The following GMDS variants were observed in gnomAD, a reference collection of about 807,000 sequenced individuals.
GMDS encodes the protein GDP-mannose 4,6-dehydratase, also known as GDP-mannose 4,6 dehydratase.
In GMDS, 20 loss-of-function variants were observed where a neutral mutation model predicts 49.9. The ratio of observed to expected loss-of-function variants is 0.40; its 90% CI spans 0.28 to 0.58. The LOEUF is 0.58. Among genes scored for constraint, GMDS ranks in the 20% least tolerant of loss-of-function variants. The pLI, the probability that GMDS is intolerant of heterozygous loss-of-function variation, is 0.42. For missense variants in GMDS, 362 were observed against 481.4 expected (o/e 0.75, Z 2.32); for synonymous variants, 177 against 178.6 (o/e 0.99, Z 0.07).
chr6:1,645,089 C>A lies in GMDS; in HGVS notation c.988-20549G>T, dbSNP rs545298869. 1.2e-4 allele frequency among the ~76,000 whole-genome samples: 18 copies of A among 152,202 alleles called. 1 individual carries two copies. The East Asian group carries it at 3.5e-3, about 29-fold the overall frequency. On this transcript the variant is annotated intron_variant, in intron 9 of 10. Transcript: ENST00000380815. Reference sequence around the variant, plus strand: ...TAGCTGGGATTACAGGCATGTGCCACCACGCCCAGCTAATTTTTGTATTTT... The same window carrying A: ...TAGCTGGGATTACAGGCATGTGCCAACACGCCCAGCTAATTTTTGTATTTT...
At chr6:2,204,838 A>G (rs1779720462) in intron 1 of GMDS, among the ~76,000 whole-genome samples, 1 of 152,200 alleles carries the variant, frequency 6.6e-6, no homozygotes, top group Admixed American at 6.5e-5. Flanking sequence ...TAGCTCCACA[A>G]CTTGACCACA....
In GMDS at chr6:1,751,192, C is replaced by T. The variant is rs142686228; in HGVS notation, c.772-8606G>A. 3.7e-3 allele frequency among the ~76,000 whole-genome samples: 556 copies of T among 152,318 alleles called. 4 individuals are homozygous for T. The highest frequency in any genetic ancestry group is 0.013 in the African/African-American group (537 of 41,582). ...TGCCTGCCGGCTCTGAAGAGAGCAG[C>T]GGATCTCCCAGCACAACACTTGAGC... On this transcript the variant is annotated intron_variant, in intron 7 of 10. Transcript: ENST00000380815.
chr6:1,739,372 C>T (rs963505214), intron 8 of GMDS, among the ~76,000 whole-genome samples: 10 of 152,234 alleles, frequency 6.6e-5, no homozygotes, highest in African/African-American at 2.2e-4. Context: ...CCTCCAGGCT[C>T]GCCCTAACCA....
intron 4 of GMDS, among the ~76,000 whole-genome samples, chr6:2,001,484 A>AT (rs1287300299): frequency 6.6e-6 from 1 of 152,106 alleles, no homozygotes; most frequent in African/African-American, 2.4e-5. Context: ...AAGGTTTCTA[A>AT]TTTTTTTCTT....
chr6:1,741,107 C>T (rs1174883229), intron 8 of GMDS, among the ~76,000 whole-genome samples: 1 of 152,108 alleles, frequency 6.6e-6, no homozygotes, highest in African/African-American at 2.4e-5. Context: ...TATTTTGACA[C>T]ATGTATATGT....
intron 1 of GMDS, among the ~76,000 whole-genome samples, chr6:2,213,503 A>C (rs1170114856): frequency 6.6e-6 from 1 of 152,248 alleles, no homozygotes. Flanking sequence ...AGCAAATAAA[A>C]TACAAATTGA....
chr6:2,101,062 A>T (rs192513551), intron 4 of GMDS, among the ~76,000 whole-genome samples: 1,729 of 142,060 alleles, frequency 0.012, 15 homozygotes, highest in African/African-American at 0.028. Flanking sequence ...TTTTTTTTTT[A>T]AAAAGTGAGC....
intron 1 of GMDS, among the ~76,000 whole-genome samples, chr6:2,148,259 T>A (rs1776673298): frequency 6.6e-6 from 1 of 152,206 alleles, no homozygotes; most frequent in Admixed American, 6.5e-5. Context: ...GTGTGGCAAA[T>A]TCTGATTTGC....
At chr6:1,997,270 G>T (rs4959623) in intron 4 of GMDS, among the ~76,000 whole-genome samples, 2,131 of 152,136 alleles carry the variant, frequency 0.014, 35 homozygotes, top group Non-Finnish European at 0.022. Context: ...AGCACTTTGG[G>T]AGGCCAAGGT....
intron 4 of GMDS, among the ~76,000 whole-genome samples, chr6:1,962,780 C>CAT (rs1424451595): frequency 3.3e-5 from 5 of 151,256 alleles, no homozygotes; most frequent in South Asian, 2.1e-4. Flanking sequence ...CATATACATA[C>CAT]ATATATATAT....
At chr6:1,908,466 T>C (rs1760887419) in intron 7 of GMDS, among the ~76,000 whole-genome samples, 1 of 152,254 alleles carries the variant, frequency 6.6e-6, no homozygotes, top group Non-Finnish European at 1.5e-5. Flanking sequence ...AATTTTGTTC[T>C]GAAAGTCTCT....
intron 1 of GMDS, among the ~76,000 whole-genome samples, chr6:2,150,146 CT>C (rs1161201018): frequency 3.3e-5 from 5 of 152,034 alleles, no homozygotes; most frequent in African/African-American, 1.2e-4. Flanking sequence ...AGATCAAGTA[CT>C]TGTAAAATAA....
Position 2,066,855 on chromosome 6 carries a change from C to T in GMDS, c.345+48916G>A, listed in dbSNP as rs538262586. Among the ~76,000 whole-genome samples the T allele has an allele frequency of 5.9e-5, 9 of 151,862 alleles. No homozygotes were observed. The East Asian group carries it at 9.7e-4, about 16-fold the overall frequency. On this transcript the variant is annotated intron_variant, in intron 4 of 10. Transcript: ENST00000380815. The stretch of plus-strand genomic sequence containing the variant: ...CCACTGTCAACATTAGACAGATCAA[C>T]GAGACAGAAAGTCAACAAGGATACC...
chr6:1,674,560 C>CTTTTTTTTTTTTTTTTTTTTT (rs869292549), intron 9 of GMDS, among the ~76,000 whole-genome samples: 2 of 73,458 alleles, frequency 2.7e-5, no homozygotes, highest in Admixed American at 3.8e-4. Flanking sequence ...CTCTCTCTCT[C>CTTTTTTTTTTTTTTTTTTTTT]TTTTTTTTTT....
chr6:2,018,944 T>C (rs973206854), intron 4 of GMDS, among the ~76,000 whole-genome samples: 1 of 152,092 alleles, frequency 6.6e-6, no homozygotes. Context: ...TCACTTTACA[T>C]TCACACCAGC....
chr6:1,846,197 A>C (rs1035606817), intron 7 of GMDS, among the ~76,000 whole-genome samples: 1 of 150,054 alleles, frequency 6.7e-6, no homozygotes, highest in Non-Finnish European at 1.5e-5. Context: ...GGCTCAAGTG[A>C]TCCTCCCACC....
chr6:1,903,566 C>T (rs1188158623), intron 7 of GMDS, among the ~76,000 whole-genome samples: 4 of 152,232 alleles, frequency 2.6e-5, no homozygotes, highest in African/African-American at 9.6e-5. Flanking sequence ...AGGCATAAAT[C>T]TCACTGCATT....
intron 4 of GMDS, among the ~76,000 whole-genome samples, chr6:2,058,287 G>A (rs959368324): frequency 1.0e-4 from 15 of 149,572 alleles, no homozygotes; most frequent in Non-Finnish European, 1.8e-4. Context: ...AGAGGTTGCA[G>A]TGAGCCAAGA....
At chr6:2,190,672 T>C (rs1243037031) in intron 1 of GMDS, among the ~76,000 whole-genome samples, 1 of 152,144 alleles carries the variant, frequency 6.6e-6, no homozygotes, top group Non-Finnish European at 1.5e-5. Flanking sequence ...AAGACTGCAC[T>C]CTCTTGGGGA....
Sources: allele counts gnomAD v4.1 joint callset (sites outside exome capture counted in the v4.1 genomes callset), GRCh38; gene constraint gnomAD v4.1.1; transcripts MANE v1.5; gene names NCBI Gene and HGNC (gene_info 2026-07-23, HGNC 2026-07-21).